PIK3CB: variants seen among roughly 807,000 people sequenced by gnomAD.
PIK3CB encodes the protein phosphatidylinositol-4,5-bisphosphate 3-kinase catalytic subunit beta, also known as phosphatidylinositol 4,5-bisphosphate 3-kinase catalytic subunit beta isoform.
Under a neutral mutation model 136.8 loss-of-function variants are expected in PIK3CB, and 39 were observed. The observed-to-expected ratio is 0.29, with a 90% confidence interval of 0.22 to 0.37. The LOEUF is 0.37. Ranked by LOEUF, PIK3CB falls within the 10% of genes least tolerant of loss-of-function variation. PIK3CB has a pLI of 1.00. For synonymous variants in PIK3CB, 428 were observed against 436.6 expected, an observed-to-expected ratio of 0.98 and a Z score of 0.25; for missense variants, 868 against 1,275.4, an observed-to-expected ratio of 0.68 and a Z score of 4.87.
chr3:138,653,746 CAG>C lies in PIK3CB; in HGVS notation c.*1641_*1642del, dbSNP rs1368751066. On this transcript the variant is annotated 3_prime_UTR_variant, in exon 24 of 24. Coordinates refer to ENST00000674063, the MANE Select transcript of PIK3CB (RefSeq NM_006219.3). The stretch of plus-strand genomic sequence containing the variant: ...CCCATGAACAAGAGCTCCAAAGCAG[CAG>C]AGTCTGGCCTTGGCTCAGTGCCAAG... 2 of 188,874 alleles carry C rather than the reference CAG, an allele frequency of 1.1e-5. No individual in the cohort carries two copies. Among genetic ancestry groups the C allele is most frequent in the East Asian group, 8.4e-5 (1 of 11,886 alleles). The allele number at this position is 188,874 out of a possible 1,614,324, so 11.7% of individuals were successfully genotyped here. A position where few individuals can be genotyped will look rare whatever the true frequency, so the allele number is the denominator to read the frequency against.
chr3:138,714,636 A>T lies in PIK3CB; in HGVS notation c.1134T>A (p.Asp378Glu). 1 of 1,613,174 alleles carries T rather than the reference A, an allele frequency of 6.2e-7. No individual in the cohort carries two copies. Among genetic ancestry groups the T allele is most frequent in the Non-Finnish European group, 8.5e-7 (1 of 1,179,140 alleles). ...ATTCCAGTGGTTCATTCCAAATATG[A>T]TCATTTTTCCCTGATACCTCTGAGC... ...IVSSEVSGKN[D>E]HIWNEPLEFD... The change falls in exon 9 of 24, where the codon GAT becomes GAA. Residue 378 changes from aspartate (D) to glutamate (E), a missense_variant. By Grantham distance (45) the Asp-to-Glu change is conservative. Coordinates refer to ENST00000674063, the MANE Select transcript of PIK3CB (RefSeq NM_006219.3).
intron 4 of PIK3CB, among the ~76,000 whole-genome samples, chr3:138,754,907 C>A (rs2045537110): frequency 6.6e-6 from 1 of 152,126 alleles, no homozygotes; most frequent in Non-Finnish European, 1.5e-5. Flanking sequence ...TCCTCAGTAA[C>A]CTTTTGTAGT....
At position 138,654,901 on chromosome 3, in the gene PIK3CB, AATTAT is replaced by A. The variant is rs915879465; in HGVS notation, c.*483_*487del. 4.7e-6 allele frequency: 1 copy of A among 211,568 alleles called. No homozygotes were observed. The highest frequency in any genetic ancestry group is 9.6e-6 in the Non-Finnish European group (1 of 104,476). The allele number at this position is 211,568 out of a possible 1,614,324, so 13.1% of individuals were successfully genotyped here. On this transcript the variant is annotated 3_prime_UTR_variant, in exon 24 of 24. Transcript: ENST00000674063. ...CTTCTGGAAAATAATCATAAATTCA[AATTAT>A]ATTATAATTTGCAGTTTACACAATT... is the stretch of plus-strand genomic sequence containing the variant.
intron 4 of PIK3CB, among the ~76,000 whole-genome samples, chr3:138,743,099 T>A (rs545398460): frequency 6.6e-6 from 1 of 152,338 alleles, no homozygotes; most frequent in South Asian, 2.1e-4. Context: ...CATAAAAGAT[T>A]CATTGTTTTT....
At chr3:138,764,265 A>G (rs1205947913) in intron 2 of PIK3CB, among the ~76,000 whole-genome samples, 1 of 151,562 alleles carries the variant, frequency 6.6e-6, no homozygotes, top group Non-Finnish European at 1.5e-5. Context: ...CCTGGGCTAC[A>G]TAGTGAGACC....
rs1416795270 is a variant in PIK3CB, at chr3:138,804,868, CA to C, written c.-121-8302del. 4.0e-5 allele frequency among the ~76,000 whole-genome samples: 6 copies of C among 151,736 alleles called. No individual in the cohort carries two copies. The East Asian group carries it at 9.7e-4, about 25-fold the overall frequency. On this transcript the variant is annotated intron_variant, in intron 1 of 23. Coordinates refer to ENST00000674063, the MANE Select transcript of PIK3CB (RefSeq NM_006219.3). ...TGAAACCCCGTCTCTACTAAAAATA[CA>C]AAAAAATTAGCTGGGCGTGGTGGTG...
At chr3:138,779,392 T>C (rs2045898530) in intron 2 of PIK3CB, among the ~76,000 whole-genome samples, 1 of 145,444 alleles carries the variant, frequency 6.9e-6, no homozygotes, top group Non-Finnish European at 1.5e-5. Context: ...GGCCTTCTTT[T>C]TTTTTTTTTT....
intron 1 of PIK3CB, among the ~76,000 whole-genome samples, chr3:138,824,863 C>A (rs1421533608): frequency 1.6e-5 from 2 of 125,294 alleles, no homozygotes; most frequent in African/African-American, 6.3e-5. Context: ...GCCTGGGCAA[C>A]ATGGTGAAAC....
chr3:138,690,445 T>C (rs1266035843), intron 15 of PIK3CB, among the ~76,000 whole-genome samples: 1 of 152,040 alleles, frequency 6.6e-6, no homozygotes, highest in Non-Finnish European at 1.5e-5. Flanking sequence ...TTAGTTCTCA[T>C]TCCTGATTTT....
chr3:138,681,699 T>G (rs115258686), intron 19 of PIK3CB, among the ~76,000 whole-genome samples: 119 of 152,300 alleles, frequency 7.8e-4, no homozygotes, highest in Admixed American at 3.1e-3. Flanking sequence ...ACACCATAGG[T>G]TGGAATGTAA....
intron 8 of PIK3CB, among the ~76,000 whole-genome samples, chr3:138,729,027 T>C (rs901036959): frequency 1.3e-5 from 2 of 152,112 alleles, no homozygotes; most frequent in African/African-American, 4.8e-5. Flanking sequence ...ACATCTGTAA[T>C]CCCAGCATTT....
At chr3:138,800,203 T>G (rs2046156813) in intron 1 of PIK3CB, among the ~76,000 whole-genome samples, 1 of 152,188 alleles carries the variant, frequency 6.6e-6, no homozygotes, top group African/African-American at 2.4e-5. Context: ...GATAGCAACC[T>G]AGGTCATTAT....
chr3:138,747,103 T>TATATAC (rs2045376451), intron 4 of PIK3CB, among the ~76,000 whole-genome samples: 1 of 92,386 alleles, frequency 1.1e-5, no homozygotes, highest in African/African-American at 3.9e-5. Context: ...TATATATATA[T>TATATAC]ATATATATAT....
intron 2 of PIK3CB, 79 bp downstream of exon 2, chr3:138,796,384 C>CAAAAAAAAAAAAAAAAAA (rs71626081): frequency 1.5e-5 from 1 of 66,686 alleles, no homozygotes; most frequent in Non-Finnish European, 2.8e-5. Context: ...GACTCCACCT[C>CAAAAAAAAAAAAAAAAAA]AAAAAAAAAA....
intron 12 of PIK3CB, among the ~76,000 whole-genome samples, chr3:138,700,056 T>TA (rs944223267): frequency 4.6e-5 from 7 of 151,740 alleles, no homozygotes; most frequent in African/African-American, 1.5e-4. Flanking sequence ...AAATAGAAAT[T>TA]AAAAAAAAAT....
chr3:138,803,517 G>C (rs879230019), intron 1 of PIK3CB, among the ~76,000 whole-genome samples: 2 of 152,134 alleles, frequency 1.3e-5, no homozygotes, highest in Admixed American at 1.3e-4. Context: ...CACGTGGCCA[G>C]TACCTTGATG....
At chr3:138,790,450 TAA>T (rs113027527) in intron 2 of PIK3CB, among the ~76,000 whole-genome samples, 34 of 134,380 alleles carry the variant, frequency 2.5e-4, no homozygotes, top group South Asian at 2.4e-4. Flanking sequence ...CTGTCCTCAT[TAA>T]AAAAAAAAAA....
chr3:138,693,827 T>C (rs2108512610), intron 14 of PIK3CB, among the ~76,000 whole-genome samples: 1 of 150,494 alleles, frequency 6.6e-6, no homozygotes, highest in South Asian at 2.1e-4. Flanking sequence ...TATAGAAGCA[T>C]ACACACCAAA....
chr3:138,679,873 C>T lies in PIK3CB; in HGVS notation c.2504+2094G>A, dbSNP rs867809274. Among the ~76,000 whole-genome samples the T allele has an allele frequency of 3.4e-5, 5 of 144,984 alleles. No individual in the cohort carries two copies. In the South Asian group the frequency reaches 1.1e-3, roughly 31 times the overall value. The stretch of plus-strand genomic sequence containing the variant: ...CTTCCCAAAGTGCTGGGATTACAGG[C>T]GTAAGCCACTGCACCCAGCCAAGAG... On this transcript the variant is annotated intron_variant, in intron 19 of 23. Transcript: ENST00000674063.
Sources: gnomAD v4.1 joint callset for allele counts (sites outside exome capture counted in the v4.1 genomes callset) on GRCh38, gnomAD v4.1.1 for gene constraint, MANE v1.5 for transcripts, NCBI Gene and HGNC (gene_info 2026-07-23, HGNC 2026-07-21) for gene names.